Variants in TOR1AIP2 observed in about 807,000 individuals in gnomAD.
The protein encoded by TOR1AIP2 is torsin-1A-interacting protein 2.
In TOR1AIP2, 20 loss-of-function variants were observed where a neutral mutation model predicts 32.6. That is an observed-to-expected ratio of 0.61 (90% CI 0.43 to 0.89). The LOEUF is 0.89. TOR1AIP2 is among the 40% of genes least tolerant of loss of function. The pLI is 0.00. For synonymous variants in TOR1AIP2, 214 were observed against 210.8 expected, an observed-to-expected ratio of 1.02 and a Z score of -0.13; for missense variants, 456 against 553.8, an observed-to-expected ratio of 0.82 and a Z score of 1.77.
chr1:179,851,272 G>T lies in TOR1AIP2; in HGVS notation c.126C>A (p.Ile42=). 1 of 1,611,096 alleles carries T rather than the reference G, an allele frequency of 6.2e-7. No homozygotes were observed. The highest frequency in any genetic ancestry group is 1.7e-5 in the Admixed American group (1 of 59,886). Residue 42 remains isoleucine (I), a synonymous_variant, in exon 5 of 7, where the codon ATC becomes ATA. Coordinates refer to ENST00000609928, the MANE Select transcript of TOR1AIP2 (RefSeq NM_001199260.2). ...TGCTAAGACCACAGGCAGAGTGTAGGATCTCAGCTTCTTCAGCATTACTTG... is the reference window on the plus strand; with the variant it reads ...TGCTAAGACCACAGGCAGAGTGTAGTATCTCAGCTTCTTCAGCATTACTTG... ...IIASNAEEAE[I]LHSACGLSKD...
intron 5 of TOR1AIP2, among the ~76,000 whole-genome samples, chr1:179,848,649 G>A (rs1472114785): frequency 1.3e-5 from 2 of 152,288 alleles, no homozygotes; most frequent in South Asian, 2.1e-4. Context: ...TATTAGCATA[G>A]ATGAGTAGGA....
chr1:179,866,001 A>G (rs1696756222), intron 2 of TOR1AIP2, 147 bp from the exon 3 acceptor site: 1 of 152,654 alleles, frequency 6.6e-6, no homozygotes, highest in Admixed American at 6.5e-5. Context: ...ACATGGGTTC[A>G]AACCAACTGA....
chr1:179,839,986 T>G lies in TOR1AIP2; in HGVS notation c.*6085A>C, dbSNP rs147335435. On this transcript the variant is annotated 3_prime_UTR_variant, in exon 7 of 7. Transcript: ENST00000609928. ...GTCCGCTGAAAAAAATTCAGATTTATTCTTTATTCTGGTAATGGCCAACTA... is the reference window on the plus strand; with the variant it reads ...GTCCGCTGAAAAAAATTCAGATTTAGTCTTTATTCTGGTAATGGCCAACTA... 1.9e-3 allele frequency: 290 copies of G among 152,376 alleles called. 2 individuals are homozygous for G. Among genetic ancestry groups the G allele is most frequent in the African/African-American group, 6.9e-3 (285 of 41,592 alleles). The allele number at this position is 152,376 out of a possible 1,614,324, so 9.4% of individuals were successfully genotyped here.
rs201615031 is a variant in TOR1AIP2, at chr1:179,847,566, T to C, written c.624A>G (p.Arg208=). The change falls in exon 6 of 7, where the codon AGA becomes AGG. Residue 208 remains arginine (R), a synonymous_variant. Coordinates refer to ENST00000609928, the MANE Select transcript of TOR1AIP2 (RefSeq NM_001199260.2). ...TCCAAAAACCCTTTTTATTAATCTG[T>C]CTCATGGTGTCCTGTGCATTCTCTT... ...EIKENAQDTM[R]QINKKGFWSY... The C allele has an allele frequency of 2.3e-5, 37 of 1,614,108 alleles. No individual in the cohort carries two copies. The East Asian group carries it at 7.8e-4, about 34-fold the overall frequency.
chr1:179,870,646 G>T (rs1696979460), intron 2 of TOR1AIP2, among the ~76,000 whole-genome samples: 1 of 151,820 alleles, frequency 6.6e-6, no homozygotes, highest in South Asian at 2.1e-4. Flanking sequence ...CGGATATGTA[G>T]ATCTGCCAAA....
intron 2 of TOR1AIP2, 37 bp downstream of exon 2, chr1:179,877,202 C>A (rs1210849660): frequency 6.6e-6 from 1 of 152,040 alleles, no homozygotes; most frequent in Non-Finnish European, 1.5e-5. Context: ...GATTCAGTTT[C>A]TTTTTATCCC....
At position 179,841,741 on chromosome 1, in the gene TOR1AIP2, T is replaced by G. The variant is rs771403362; in HGVS notation, c.*4330A>C. 13 of 152,268 alleles carry G rather than the reference T, an allele frequency of 8.5e-5. No homozygotes were observed. Among genetic ancestry groups the G allele is most frequent in the Non-Finnish European group, 7.3e-5 (5 of 68,042 alleles). The allele number at this position is 152,268 out of a possible 1,614,324, so 9.4% of individuals were successfully genotyped here. On this transcript the variant is annotated 3_prime_UTR_variant, in exon 7 of 7. Coordinates refer to ENST00000609928, the MANE Select transcript of TOR1AIP2 (RefSeq NM_001199260.2). Reference sequence around the variant, plus strand: ...TTCTATTTAACATTCATTTTTGAAGTGCCAGAGACCTGCCTATGTCGCATA... The same window carrying G: ...TTCTATTTAACATTCATTTTTGAAGGGCCAGAGACCTGCCTATGTCGCATA...
chr1:179,853,443 A>G (rs951969433), intron 3 of TOR1AIP2, among the ~76,000 whole-genome samples: 5 of 152,274 alleles, frequency 3.3e-5, no homozygotes, highest in African/African-American at 1.2e-4. Context: ...AAAAGGAATC[A>G]AAATCAAAGG....
chr1:179,862,297 A>G, intron 3 of TOR1AIP2: 3 of 981,802 alleles, frequency 3.1e-6, no homozygotes, highest in Non-Finnish European at 3.6e-6. Flanking sequence ...CTAATAATTA[A>G]AAAATTTAGG....
intron 2 of TOR1AIP2, among the ~76,000 whole-genome samples, chr1:179,867,376 ATAG>A: frequency 6.6e-6 from 1 of 152,332 alleles, no homozygotes; most frequent in South Asian, 2.1e-4. Context: ...CTTGGTGCTG[ATAG>A]CACAGGGCAT....
At chr1:179,856,580 T>C (rs1696310864) in intron 3 of TOR1AIP2, among the ~76,000 whole-genome samples, 1 of 152,124 alleles carries the variant, frequency 6.6e-6, no homozygotes, top group Non-Finnish European at 1.5e-5. Context: ...TGGCAGGGTA[T>C]CTGAGAGATC....
chr1:179,862,429 G>C (rs1696579406), intron 3 of TOR1AIP2: 2 of 984,988 alleles, frequency 2.0e-6, no homozygotes, highest in South Asian at 9.4e-5. Context: ...AAACTAACTA[G>C]TCTTCAGTCA....
At chr1:179,871,770 T>C (rs1445188432) in intron 2 of TOR1AIP2, among the ~76,000 whole-genome samples, 1 of 152,236 alleles carries the variant, frequency 6.6e-6, no homozygotes, top group Non-Finnish European at 1.5e-5. Flanking sequence ...ACTTTTTTTG[T>C]ATGAGATGGT....
chr1:179,860,734 G>C (rs6693816), intron 3 of TOR1AIP2: 13,925 of 985,328 alleles, frequency 0.014, 454 homozygotes, highest in African/African-American at 0.11. Flanking sequence ...AATTAGAATA[G>C]AAACCCAGCT....
intron 5 of TOR1AIP2, among the ~76,000 whole-genome samples, chr1:179,850,228 G>A (rs1035848037): frequency 6.6e-6 from 1 of 151,706 alleles, no homozygotes; most frequent in Non-Finnish European, 1.5e-5. Flanking sequence ...CAAGTGGTAG[G>A]GCCACAACTA....
chr1:179,851,299 T>A lies in TOR1AIP2; in HGVS notation c.99A>T (p.Ile33=), dbSNP rs756190720. The part of the protein sequence containing the change: ...VNSQAQETTI[I]ASNAEEAEIL... ...TCTCAGCTTCTTCAGCATTACTTGC[T>A]ATGATTGTGGTCTCCTGCGCCTGAG... Residue 33 remains isoleucine, a synonymous_variant, in exon 5 of 7, where the codon ATA becomes ATT. Transcript: ENST00000609928. 15 of 1,607,450 alleles carry A rather than the reference T, an allele frequency of 9.3e-6. No homozygotes were observed. The South Asian group carries it at 1.5e-4, about 17-fold the overall frequency.
chr1:179,862,144 T>C (rs1034206877), intron 3 of TOR1AIP2: 17 of 984,820 alleles, frequency 1.7e-5, no homozygotes, highest in Non-Finnish European at 2.0e-5. Flanking sequence ...ATCAATGATA[T>C]AAATCCTTTT....
chr1:179,852,543 C>A, intron 4 of TOR1AIP2, 89 bp downstream of exon 4: 1 of 1,404,104 alleles, frequency 7.1e-7, no homozygotes, highest in Non-Finnish European at 1.0e-6. Context: ...ACTTCAAAAC[C>A]TCAGATTTTA....
In TOR1AIP2 at chr1:179,852,755, A is replaced by G; in HGVS notation, c.-90T>C. 1.3e-6 allele frequency: 2 copies of G among 1,598,606 alleles called. No individual in the cohort carries two copies. Among genetic ancestry groups the G allele is most frequent in the East Asian group, 2.3e-5 (1 of 44,206 alleles). ...GATGTCTTGTTTTCTTCTTGTCCCA[A>G]GTCCCAACAGACTCATGCTTCCCAT... On this transcript the variant is annotated 5_prime_UTR_variant, in exon 4 of 7. Transcript: ENST00000609928.
Sources: allele counts gnomAD v4.1 joint callset (sites outside exome capture counted in the v4.1 genomes callset), GRCh38; gene constraint gnomAD v4.1.1; transcripts MANE v1.5; gene names NCBI Gene and HGNC (gene_info 2026-07-23, HGNC 2026-07-21).